The following CATSPERB variants were observed in gnomAD, a reference collection of about 807,000 sequenced individuals.
CATSPERB encodes cation channel sperm-associated auxiliary subunit beta.
CATSPERB carries 93 observed loss-of-function variants against 128.3 expected under a neutral mutation model. That is an observed-to-expected ratio of 0.72 (90% confidence interval 0.61 to 0.86). The LOEUF is 0.86. Ranked by LOEUF, CATSPERB falls within the 40% of genes least tolerant of loss-of-function variation. CATSPERB has a pLI of 0.00. For missense variants in CATSPERB, 1,153 were observed against 1,329.5 expected (o/e 0.87, Z 2.06); for synonymous variants, 381 against 448.8 (o/e 0.85, Z 1.91).
intron 20 of CATSPERB, among the ~76,000 whole-genome samples, chr14:91,616,733 C>CCTTTTTTTTTTTTTTTTTTTTTTT (rs1555360387): frequency 1.2e-5 from 1 of 84,482 alleles, no homozygotes; most frequent in Non-Finnish European, 2.2e-5. Context: ...AAGTATTCCC[C>CCTTTTTTTTTTTTTTTTTTTTTTT]TTTTTTTTTT....
At chr14:91,636,759 T>G (rs1169483911) in intron 16 of CATSPERB, among the ~76,000 whole-genome samples, 180 bp from the exon 17 acceptor site, 1 of 152,174 alleles carries the variant, frequency 6.6e-6, no homozygotes, top group African/African-American at 2.4e-5. Flanking sequence ...GAAGATGTAT[T>G]TTCCTGTTAA....
intron 23 of CATSPERB, among the ~76,000 whole-genome samples, chr14:91,591,675 G>A (rs1893406088): frequency 6.6e-6 from 1 of 152,022 alleles, no homozygotes; most frequent in Non-Finnish European, 1.5e-5. Context: ...AATGGACAAG[G>A]TAGTGCAGGT....
chr14:91,630,138 C>A (rs1386775767), intron 17 of CATSPERB, among the ~76,000 whole-genome samples: 2 of 152,202 alleles, frequency 1.3e-5, no homozygotes, highest in Admixed American at 6.5e-5. Context: ...CAAGTCTCTG[C>A]AGCATGCATC....
intron 15 of CATSPERB, among the ~76,000 whole-genome samples, chr14:91,646,643 C>A (rs948856927): frequency 6.6e-6 from 1 of 152,196 alleles, no homozygotes; most frequent in Non-Finnish European, 1.5e-5. Flanking sequence ...TTCAGCTACA[C>A]GAGCCTGAGG....
rs1893335753 is a variant in CATSPERB, at chr14:91,588,097, T to C, written c.2957-19A>G. On this transcript the variant is annotated intron_variant, in intron 24 of 26. Coordinates refer to ENST00000256343, the MANE Select transcript of CATSPERB (RefSeq NM_024764.4). The stretch of plus-strand genomic sequence containing the variant: ...GTGTGTTCTAAAAATACATAAAACA[T>C]ATTTTAAGCACACTTATTTTTCTCA... 3 of 1,460,382 alleles carry C rather than the reference T, an allele frequency of 2.1e-6. No homozygotes were observed. In the African/African-American group the frequency reaches 4.2e-5, roughly 20 times the overall value. The allele number at this position is 1,460,382 out of a possible 1,614,324, so 90.5% of individuals were successfully genotyped here.
chr14:91,638,117 C>T (rs893300852), intron 16 of CATSPERB, among the ~76,000 whole-genome samples: 1 of 152,156 alleles, frequency 6.6e-6, no homozygotes, highest in Non-Finnish European at 1.5e-5. Flanking sequence ...AAACCAGATT[C>T]ATCTTTTGTT....
At chr14:91,698,319 G>A (rs548621514) in intron 7 of CATSPERB, among the ~76,000 whole-genome samples, 4 of 152,140 alleles carry the variant, frequency 2.6e-5, no homozygotes, top group Admixed American at 1.3e-4. Context: ...TCATATTGTC[G>A]GCAAAGAGAG....
intron 5 of CATSPERB, among the ~76,000 whole-genome samples, chr14:91,717,487 T>C (rs1895962124): frequency 6.6e-6 from 1 of 152,200 alleles, no homozygotes; most frequent in African/African-American, 2.4e-5. Context: ...TCTCTAAATT[T>C]CCATACAACT....
rs114411545 is a variant in CATSPERB, at chr14:91,726,275, T to C, written c.80-1107A>G. Among the ~76,000 whole-genome samples, 790 of 152,150 alleles carry C rather than the reference T, an allele frequency of 5.2e-3. 7 individuals are homozygous for C. Among genetic ancestry groups the C allele is most frequent in the African/African-American group, 0.018 (738 of 41,500 alleles). On this transcript the variant is annotated intron_variant, in intron 2 of 26. Transcript: ENST00000256343. ...GCACTGTAACACACACCCACTTGGG[T>C]TTCAGGAGTCACAGGCTCCCACCCG... is the stretch of plus-strand genomic sequence containing the variant.
intron 17 of CATSPERB, among the ~76,000 whole-genome samples, chr14:91,634,289 T>G (rs1894329152): frequency 6.6e-6 from 1 of 152,200 alleles, no homozygotes; most frequent in Non-Finnish European, 1.5e-5. Context: ...TTCATCCTAG[T>G]CATCTTCTTG....
At chr14:91,657,208 A>G (rs182985329) in intron 15 of CATSPERB, among the ~76,000 whole-genome samples, 34 of 152,248 alleles carry the variant, frequency 2.2e-4, no homozygotes, top group Non-Finnish European at 3.8e-4. Context: ...GAACATGTCA[A>G]CCAATGGCTG....
chr14:91,612,012 T>TTTTCTTTCCTTCTTTC (rs1893837583), intron 20 of CATSPERB, among the ~76,000 whole-genome samples: 3 of 132,922 alleles, frequency 2.3e-5, no homozygotes, highest in South Asian at 2.5e-4. Context: ...TTGTTTACTG[T>TTTTCTTTCCTTCTTTC]TTTCTTTCTT....
At chr14:91,619,441 G>A (rs1469258690) in intron 19 of CATSPERB, among the ~76,000 whole-genome samples, 2 of 151,932 alleles carry the variant, frequency 1.3e-5, no homozygotes, top group Non-Finnish European at 2.9e-5. Flanking sequence ...AGGTTTTCAG[G>A]ACATTTAATC....
intron 10 of CATSPERB, among the ~76,000 whole-genome samples, chr14:91,685,897 A>G (rs1281790269): frequency 1.3e-5 from 2 of 152,222 alleles, no homozygotes; most frequent in Non-Finnish European, 2.9e-5. Context: ...GTGTGTCACA[A>G]GAATTTTAAT....
chr14:91,698,389 C>T (rs1895596941), intron 7 of CATSPERB, among the ~76,000 whole-genome samples: 1 of 152,100 alleles, frequency 6.6e-6, no homozygotes, highest in Non-Finnish European at 1.5e-5. Flanking sequence ...TTTGTTTCTT[C>T]CTGTTGCCTG....
chr14:91,586,810 A>C (rs1237734128), intron 26 of CATSPERB, among the ~76,000 whole-genome samples: 2 of 152,232 alleles, frequency 1.3e-5, no homozygotes, highest in African/African-American at 2.4e-5. Context: ...CAATGATTAC[A>C]GTTCAAACAG....
At chr14:91,722,187 C>T (rs972387448) in intron 4 of CATSPERB, among the ~76,000 whole-genome samples, 9 of 152,186 alleles carry the variant, frequency 5.9e-5, no homozygotes, top group Admixed American at 4.6e-4. Flanking sequence ...CCATCCCTGG[C>T]CATGTAGCTA....
chr14:91,631,394 T>A (rs551474576), intron 17 of CATSPERB, among the ~76,000 whole-genome samples: 2 of 152,348 alleles, frequency 1.3e-5, no homozygotes, highest in South Asian at 4.1e-4. Flanking sequence ...CCGGGTGCAA[T>A]GGCTCATGCC....
At chr14:91,606,262 C>G (rs1316465130) in intron 22 of CATSPERB, among the ~76,000 whole-genome samples, 4 of 152,116 alleles carry the variant, frequency 2.6e-5, no homozygotes, top group Admixed American at 6.5e-5. Flanking sequence ...CAGAAAGATG[C>G]ATCGTAGAAA....
Sources: gnomAD v4.1 joint callset for allele counts (sites outside exome capture counted in the v4.1 genomes callset) on GRCh38, gnomAD v4.1.1 for gene constraint, MANE v1.5 for transcripts, NCBI Gene and HGNC (gene_info 2026-07-23, HGNC 2026-07-21) for gene names.